MYOT: variants seen among roughly 807,000 people sequenced by gnomAD.
The protein encoded by MYOT is myotilin.
In MYOT, 36 loss-of-function variants were observed where a neutral mutation model predicts 58.0. The observed-to-expected ratio is 0.62, with a 90% CI of 0.48 to 0.82. The LOEUF (loss-of-function observed/expected upper bound fraction) is 0.82. MYOT is among the 40% of genes least tolerant of loss of function. The pLI is 0.00. For synonymous variants in MYOT, 218 were observed against 204.6 expected (o/e 1.07, Z -0.56); for missense variants, 505 against 592.1 (o/e 0.85, Z 1.53).
intron 3 of MYOT, 30 bp downstream of exon 3, chr5:137,876,033 G>A (rs774559060): frequency 9.8e-5 from 158 of 1,609,626 alleles, no homozygotes; most frequent in Non-Finnish European, 1.3e-4. Flanking sequence ...TGTACAAAAG[G>A]CCAATTAAAC....
intron 7 of MYOT, among the ~76,000 whole-genome samples, chr5:137,884,376 G>C (rs1344639959): frequency 6.6e-6 from 1 of 152,056 alleles, no homozygotes; most frequent in Non-Finnish European, 1.5e-5. Flanking sequence ...AAAAAATCAA[G>C]AGTAAATATC....
chr5:137,870,421 A>C lies in MYOT; in HGVS notation c.-211-20A>C, dbSNP rs1265721387. ...TATTGTTTAAGCAAATATTGTAACA[A>C]TTATTTTCTCCTTTTGAAGGAACAA... On this transcript the variant is annotated intron_variant, in intron 1 of 9. Coordinates refer to ENST00000239926, the MANE Select transcript of MYOT (RefSeq NM_006790.3). 1 of 597,216 alleles carries C rather than the reference A, an allele frequency of 1.7e-6. No homozygotes were observed. The highest frequency in any genetic ancestry group is 3.0e-6 in the Non-Finnish European group (1 of 335,746). 37.0% of individuals were successfully genotyped at this position (597,216 alleles called of 1,614,324 possible).
intron 4 of MYOT, among the ~76,000 whole-genome samples, chr5:137,879,873 A>T (rs1755367441): frequency 1.3e-5 from 2 of 152,038 alleles, no homozygotes; most frequent in African/African-American, 4.8e-5. Flanking sequence ...CTTTACCAAA[A>T]AATTAGTTGA....
In MYOT at chr5:137,886,910, G is replaced by A. The variant is rs1755619514; in HGVS notation, c.1237G>A (p.Val413Ile). 6.3e-7 allele frequency: 1 copy of A among 1,596,678 alleles called. No individual in the cohort carries two copies. Among genetic ancestry groups the A allele is most frequent in the South Asian group, 1.1e-5 (1 of 90,722 alleles). The change falls in exon 9 of 10, where the codon GTA (valine) becomes ATA (isoleucine). Residue 413 changes from valine to isoleucine, a missense_variant. Physicochemically the swap from Val to Ile is conservative, Grantham distance 29. Coordinates refer to ENST00000239926, the MANE Select transcript of MYOT (RefSeq NM_006790.3). Reference protein sequence around the residue: ...TGRVTLLIKDVNKKDAGWYTV... With the variant: ...TGRVTLLIKDINKKDAGWYTV... ...AAGAGTTACTTTACTGATAAAAGAT[G>A]TAAACAAGAAAGATGCTGGGTGGTA...
intron 4 of MYOT, among the ~76,000 whole-genome samples, chr5:137,879,408 G>A (rs993951662): frequency 6.6e-6 from 1 of 151,114 alleles, no homozygotes; most frequent in Non-Finnish European, 1.5e-5. Context: ...GAACCTACTT[G>A]TATGTTGGGC....
chr5:137,871,183 T>C (rs1755039885), intron 2 of MYOT, among the ~76,000 whole-genome samples, 176 bp downstream of exon 2: 1 of 152,174 alleles, frequency 6.6e-6, no homozygotes, highest in Non-Finnish European at 1.5e-5. Context: ...GTACTGGCAA[T>C]AAGAGGTCAT....
In MYOT at chr5:137,869,808, G is replaced by T. The variant is rs527853078; in HGVS notation, c.-211-633G>T. Among the ~76,000 whole-genome samples the T allele has an allele frequency of 1.6e-3, 244 of 152,116 alleles. 1 individual carries two copies. Among genetic ancestry groups the T allele is most frequent in the Non-Finnish European group, 3.1e-3 (208 of 67,992 alleles). ...AATCTAAAAATAACAGAATTATAAG[G>T]TATGATTCTGTTTAAAAATACATAA... is the stretch of plus-strand genomic sequence containing the variant. On this transcript the variant is annotated intron_variant, in intron 1 of 9. Coordinates refer to ENST00000239926, the MANE Select transcript of MYOT (RefSeq NM_006790.3).
At chr5:137,871,278 G>GA (rs1001318394) in intron 2 of MYOT, among the ~76,000 whole-genome samples, 4 of 151,960 alleles carry the variant, frequency 2.6e-5, no homozygotes, top group African/African-American at 7.2e-5. Context: ...TTCCATCTTT[G>GA]AAAAAAATAA....
chr5:137,884,133 G>A (rs1755522349), intron 7 of MYOT, among the ~76,000 whole-genome samples: 1 of 152,160 alleles, frequency 6.6e-6, no homozygotes, highest in Non-Finnish European at 1.5e-5. Flanking sequence ...AGGATCACTT[G>A]AGCCAAGGAG....
rs1280545345 is a variant in MYOT at position 137,886,954 on chromosome 5, T to C, written c.1281T>C (p.Asn427=). The C allele has an allele frequency of 1.9e-6, 3 of 1,613,354 alleles. No homozygotes were observed. Among genetic ancestry groups the C allele is most frequent in the Non-Finnish European group, 2.5e-6 (3 of 1,179,296 alleles). The stretch of plus-strand genomic sequence containing the variant: ...GGTGGTATACTGTGTCAGCAGTTAA[T>C]GAAGCTGGAGTGACTACATGTAACA... ...DAGWYTVSAV[N]EAGVTTCNTR... Residue 427 remains asparagine, a synonymous_variant, in exon 9 of 10, where the codon AAT becomes AAC. Transcript: ENST00000239926.
chr5:137,881,149 T>C (rs1345122583), intron 5 of MYOT, among the ~76,000 whole-genome samples: 1 of 152,190 alleles, frequency 6.6e-6, no homozygotes, highest in African/African-American at 2.4e-5. Context: ...CAATCTTTGG[T>C]GGTAAGAATA....
Position 137,886,119 on chromosome 5 carries a change from G to C in MYOT, c.1096G>C (p.Val366Leu). 2 of 1,611,258 alleles carry C rather than the reference G, an allele frequency of 1.2e-6. No homozygotes were observed. Among genetic ancestry groups the C allele is most frequent in the Non-Finnish European group, 1.7e-6 (2 of 1,177,692 alleles). The change falls in exon 8 of 10, where the codon GTG becomes CTG. Residue 366 changes from valine to leucine, a missense_variant. Transcript: ENST00000239926. ...CAAAAAAGTTTTAGAGGGAGATTCA[G>C]TGAAACTAGAATGCCAGATCTCGGC... The part of the protein sequence containing the change: ...QSKKVLEGDS[V>L]KLECQISAIP...
chr5:137,882,237 A>G, intron 6 of MYOT, 132 bp downstream of exon 6: 1 of 1,037,536 alleles, frequency 9.6e-7, no homozygotes, highest in South Asian at 1.4e-5. Flanking sequence ...TCTGAAGTCA[A>G]ACTGATGTGG....
intron 4 of MYOT, among the ~76,000 whole-genome samples, chr5:137,879,274 C>T (rs936165894): frequency 2.0e-5 from 3 of 151,984 alleles, no homozygotes; most frequent in Non-Finnish European, 4.4e-5. Context: ...GATGCAACTA[C>T]ACCTACTAAA....
At position 137,884,448 on chromosome 5, in the gene MYOT, C is replaced by T. The variant is rs536894792; in HGVS notation, c.1024+857C>T. Among the ~76,000 whole-genome samples the T allele has an allele frequency of 3.9e-5, 6 of 152,300 alleles. No individual in the cohort carries two copies. In the South Asian group the frequency reaches 1.2e-3, roughly 32 times the overall value. On this transcript the variant is annotated intron_variant, in intron 7 of 9. Transcript: ENST00000239926. ...AACTAATGTCTAATTATAACCAAAA[C>T]AGGCCTACTTGCTTTAGAAAACAGG...
At chr5:137,875,789 G>C in intron 2 of MYOT, 40 bp from the exon 3 acceptor site, 1 of 1,606,034 alleles carries the variant, frequency 6.2e-7, no homozygotes, top group Non-Finnish European at 8.5e-7. Context: ...ATGAGGCCAA[G>C]ACCTTCTTTT....
Position 137,886,077 on chromosome 5 carries a change from A to G in MYOT, c.1054A>G (p.Ile352Val). 1 of 1,604,398 alleles carries G rather than the reference A, an allele frequency of 6.2e-7. No individual in the cohort carries two copies. Among genetic ancestry groups the G allele is most frequent in the East Asian group, 2.2e-5 (1 of 44,702 alleles). Residue 352 changes from isoleucine to valine, a missense_variant, in exon 8 of 10, where the codon ATC becomes GTC. Ile to Val is a conservative substitution (Grantham distance 29, BLOSUM62 3). Transcript: ENST00000239926. The stretch of plus-strand genomic sequence containing the variant: ...AGAACATAAAAGAGCACCAATGTTT[A>G]TCTACAAACCACAGAGCAAAAAAGT... ...AKEHKRAPMF[I>V]YKPQSKKVLE...
At chr5:137,886,766 T>G in intron 8 of MYOT, 98 bp from the exon 9 acceptor site, 1 of 922,728 alleles carries the variant, frequency 1.1e-6, no homozygotes. Context: ...TTTGGAATTT[T>G]CAAATGTTTT....
In MYOT at chr5:137,875,856, T is replaced by G; in HGVS notation, c.384T>G (p.Pro128=). ...ATCAACAGTCCTCAGCTGGCCAACCTATAAATGCAAAGCCATCCCAAACTG... is the reference window on the plus strand; with the variant it reads ...ATCAACAGTCCTCAGCTGGCCAACCGATAAATGCAAAGCCATCCCAAACTG... ...SNYQQSSAGQ[P]INAKPSQTAN... The change falls in exon 3 of 10, where the codon CCT becomes CCG. Residue 128 remains proline (P), a synonymous_variant. Coordinates refer to ENST00000239926, the MANE Select transcript of MYOT (RefSeq NM_006790.3). The G allele has an allele frequency of 6.2e-7, 1 of 1,614,082 alleles. No homozygotes were observed. Among genetic ancestry groups the G allele is most frequent in the Middle Eastern group, 1.7e-4 (1 of 6,060 alleles).
Sources: allele counts gnomAD v4.1 joint callset (sites outside exome capture counted in the v4.1 genomes callset), GRCh38; gene constraint gnomAD v4.1.1; transcripts MANE v1.5; gene names NCBI Gene and HGNC (gene_info 2026-07-23, HGNC 2026-07-21).